Variants in CYP39A1 observed in about 807,000 individuals in gnomAD.
The protein encoded by CYP39A1 is 24-hydroxycholesterol 7-alpha-hydroxylase.
In CYP39A1, 49 loss-of-function variants were observed where a neutral mutation model predicts 58.1. The ratio of observed to expected loss-of-function variants is 0.84; its 90% confidence interval spans 0.67 to 1.07. The LOEUF (loss-of-function observed/expected upper bound fraction) is 1.07. Among genes scored for constraint, CYP39A1 ranks in the 50% least tolerant of loss-of-function variants. The pLI is 0.00. For missense variants in CYP39A1, 531 were observed against 539.4 expected (o/e 0.98, Z 0.16); for synonymous variants, 209 against 187.6 (o/e 1.11, Z -0.93).
intron 7 of CYP39A1, among the ~76,000 whole-genome samples, chr6:46,600,439 A>C (rs1165383346): frequency 6.6e-6 from 1 of 151,990 alleles, no homozygotes; most frequent in African/African-American, 2.4e-5. Flanking sequence ...CCTTTCGATT[A>C]CACCTGACTA....
chr6:46,556,815 C>T (rs1271521452), intron 10 of CYP39A1, among the ~76,000 whole-genome samples: 1 of 152,124 alleles, frequency 6.6e-6, no homozygotes, highest in Non-Finnish European at 1.5e-5. Flanking sequence ...TGGCACTTAA[C>T]ATTTACGTCT....
intron 10 of CYP39A1, among the ~76,000 whole-genome samples, chr6:46,566,232 C>T (rs1771265924): frequency 6.6e-6 from 1 of 152,180 alleles, no homozygotes; most frequent in Non-Finnish European, 1.5e-5. Flanking sequence ...TACAAATGAG[C>T]TATGAGCTAA....
At chr6:46,650,111 T>TAG (rs35181147) in intron 1 of CYP39A1, among the ~76,000 whole-genome samples, 19 of 146,944 alleles carry the variant, frequency 1.3e-4, no homozygotes, top group Admixed American at 1.2e-3. Context: ...TTACTACATT[T>TAG]ACACACACAC....
chr6:46,632,279 A>T (rs1363522175), intron 5 of CYP39A1, among the ~76,000 whole-genome samples: 1 of 152,210 alleles, frequency 6.6e-6, no homozygotes, highest in Non-Finnish European at 1.5e-5. Flanking sequence ...GTCTACAAAG[A>T]TCAATAACAA....
At chr6:46,601,469 T>C (rs1424248877) in intron 7 of CYP39A1, among the ~76,000 whole-genome samples, 3 of 152,154 alleles carry the variant, frequency 2.0e-5, no homozygotes, top group African/African-American at 7.2e-5. Flanking sequence ...TCTATCCCTC[T>C]AGTCCCATCT....
At chr6:46,600,569 G>T (rs1318562336) in intron 7 of CYP39A1, among the ~76,000 whole-genome samples, 1 of 152,120 alleles carries the variant, frequency 6.6e-6, no homozygotes, top group African/African-American at 2.4e-5. Flanking sequence ...GTGGGCTGGG[G>T]ATTCAGCTAG....
rs185476109 is a variant in CYP39A1, at chr6:46,617,416, C to A, written c.931+8002G>T. ...TGTGATTCTGCATGCAAAAGTGGGTCAAACCTACCATCATGGCCACAGGTA... is the reference window on the plus strand; with the variant it reads ...TGTGATTCTGCATGCAAAAGTGGGTAAAACCTACCATCATGGCCACAGGTA... On this transcript the variant is annotated intron_variant, in intron 7 of 11. Transcript: ENST00000275016. 4.6e-5 allele frequency among the ~76,000 whole-genome samples: 7 copies of A among 152,098 alleles called. No individual in the cohort carries two copies. The East Asian group carries it at 1.4e-3, about 29-fold the overall frequency.
At chr6:46,625,351 C>T in intron 7 of CYP39A1, 67 bp downstream of exon 7, 1 of 1,120,776 alleles carries the variant, frequency 8.9e-7, no homozygotes, top group South Asian at 1.7e-5. Context: ...AGGTATTTAG[C>T]TTTGCCAATA....
At chr6:46,556,179 G>T (rs1770654963) in intron 10 of CYP39A1, among the ~76,000 whole-genome samples, 1 of 152,190 alleles carries the variant, frequency 6.6e-6, no homozygotes, top group Non-Finnish European at 1.5e-5. Flanking sequence ...GCAAACTCCA[G>T]TGTAGGACAA....
chr6:46,594,206 A>G (rs1352665567), intron 8 of CYP39A1, among the ~76,000 whole-genome samples: 3 of 152,152 alleles, frequency 2.0e-5, no homozygotes, highest in African/African-American at 7.2e-5. Flanking sequence ...ATAAATATCT[A>G]TATTAATGAA....
intron 7 of CYP39A1, among the ~76,000 whole-genome samples, chr6:46,622,569 T>C (rs1775028497): frequency 6.6e-6 from 1 of 152,040 alleles, no homozygotes; most frequent in Admixed American, 6.6e-5. Flanking sequence ...GCTATGATCA[T>C]TCCACTGTAC....
chr6:46,633,743 G>C (rs898221576), intron 5 of CYP39A1, among the ~76,000 whole-genome samples: 9 of 151,990 alleles, frequency 5.9e-5, no homozygotes, highest in Non-Finnish European at 1.2e-4. Flanking sequence ...TGTAGTCCCA[G>C]CTACTCGGGA....
At chr6:46,576,561 T>A (rs1465442973) in intron 10 of CYP39A1, among the ~76,000 whole-genome samples, 1 of 152,184 alleles carries the variant, frequency 6.6e-6, no homozygotes, top group Non-Finnish European at 1.5e-5. Flanking sequence ...CTCATCAAGA[T>A]ATAGGAGAAG....
chr6:46,561,664 T>C (rs575055670), intron 10 of CYP39A1, among the ~76,000 whole-genome samples: 3 of 152,184 alleles, frequency 2.0e-5, no homozygotes, highest in South Asian at 2.1e-4. Flanking sequence ...ATTGTGCTGA[T>C]TGAACAATTA....
At chr6:46,555,841 G>A (rs1370754754) in intron 10 of CYP39A1, among the ~76,000 whole-genome samples, 3 of 152,172 alleles carry the variant, frequency 2.0e-5, no homozygotes, top group Non-Finnish European at 4.4e-5. Context: ...CACTCCAGGT[G>A]TGGCTATAAT....
At chr6:46,640,352 C>T (rs991349255) in intron 2 of CYP39A1, among the ~76,000 whole-genome samples, 5 of 152,132 alleles carry the variant, frequency 3.3e-5, no homozygotes, top group Non-Finnish European at 7.4e-5. Context: ...CCCAATCCCA[C>T]ACACTTATAC....
intron 6 of CYP39A1, among the ~76,000 whole-genome samples, chr6:46,628,549 A>C (rs3799866): frequency 0.31 from 47,890 of 152,144 alleles, 9,085 homozygotes; most frequent in East Asian, 0.56. Flanking sequence ...ATTATAGTTA[A>C]TATCTTGGGC....
At chr6:46,625,136 C>CA (rs1428999649) in intron 7 of CYP39A1, among the ~76,000 whole-genome samples, 1 of 152,004 alleles carries the variant, frequency 6.6e-6, no homozygotes, top group Non-Finnish European at 1.5e-5. Flanking sequence ...ATTAGAAGAA[C>CA]AAACAGGTGT....
intron 7 of CYP39A1, among the ~76,000 whole-genome samples, chr6:46,620,609 A>G (rs1774896868): frequency 6.6e-6 from 1 of 152,110 alleles, no homozygotes; most frequent in African/African-American, 2.4e-5. Context: ...GGCTTTACTC[A>G]TGTTCAGGAA....
Sources: allele counts gnomAD v4.1 joint callset (sites outside exome capture counted in the v4.1 genomes callset), GRCh38; gene constraint gnomAD v4.1.1; transcripts MANE v1.5; gene names NCBI Gene and HGNC (gene_info 2026-07-23, HGNC 2026-07-21).